NCKAP5L: variants seen among roughly 807,000 people sequenced by gnomAD.
NCKAP5L encodes NCK associated protein 5 like, also known as nck-associated protein 5-like.
Under a neutral mutation model 103.2 loss-of-function variants are expected in NCKAP5L, and 54 were observed. The ratio of observed to expected loss-of-function variants is 0.52; its 90% CI spans 0.42 to 0.66. The LOEUF (loss-of-function observed/expected upper bound fraction) is 0.66. NCKAP5L is among the 30% of genes least tolerant of loss of function. The pLI is 0.00. For missense variants in NCKAP5L, 1,733 were observed against 1,750.6 expected (o/e 0.99, Z 0.18); for synonymous variants, 762 against 748.6 (o/e 1.02, Z -0.29).
At chr12:49,794,690 A>G in intron 8 of NCKAP5L, 75 bp downstream of exon 8, 1 of 1,187,364 alleles carries the variant, frequency 8.4e-7, no homozygotes, top group South Asian at 1.8e-5. Context: ...GCCTAGCTCC[A>G]GACGCAGGTG....
intron 1 of NCKAP5L, among the ~76,000 whole-genome samples, chr12:49,809,984 C>T (rs1946221980): frequency 1.3e-5 from 2 of 152,128 alleles, no homozygotes; most frequent in Non-Finnish European, 1.5e-5. Flanking sequence ...GCACCTCAAC[C>T]ACCATGGTGT....
In NCKAP5L at chr12:49,801,856, G is replaced by T. The variant is rs749126025; in HGVS notation, c.343C>A (p.Leu115Ile). The change falls in exon 6 of 13, where the codon CTC becomes ATC. Residue 115 changes from leucine (L) to isoleucine (I), a missense_variant. Coordinates refer to ENST00000335999, the MANE Select transcript of NCKAP5L (RefSeq NM_001037806.4). The stretch of plus-strand genomic sequence containing the variant: ...GGAGCGCAGATGCCTACCTGAGGGA[G>T]CGAGCCTGTCGTGAGCTGGAGTTTC... The part of the protein sequence containing the change: ...QQKLQLTTGS[L>I]PQIPLTPLQP... The T allele has an allele frequency of 2.5e-6, 4 of 1,613,876 alleles. No homozygotes were observed. In the African/African-American group the frequency reaches 4.0e-5, roughly 16 times the overall value.
At chr12:49,811,275 A>G (rs1002004729) in intron 1 of NCKAP5L, among the ~76,000 whole-genome samples, 2 of 152,042 alleles carry the variant, frequency 1.3e-5, no homozygotes, top group Non-Finnish European at 2.9e-5. Flanking sequence ...CAGCCTGGCA[A>G]TCCTGCCCAG....
At position 49,795,167 on chromosome 12, in the gene NCKAP5L, AG is replaced by A; in HGVS notation, c.2692del (p.Leu898SerfsTer34). 6.2e-7 allele frequency: 1 copy of A among 1,605,830 alleles called. No individual in the cohort carries two copies. The highest frequency in any genetic ancestry group is 8.5e-7 in the Non-Finnish European group (1 of 1,176,934). On this transcript the variant is annotated frameshift_variant, in exon 8 of 13. Coordinates refer to ENST00000335999, the MANE Select transcript of NCKAP5L (RefSeq NM_001037806.4). LOFTEE classifies it high-confidence loss of function. ...MKGIEENVLRLQGQERAPGAE... is the reference protein window; with the variant it reads ...MKGIEENVLRXQGQERAPGAE... ...GCCAGGGGCTCGCTCCTGGCCCTGG[AG>A]CCGCAGCACGTTCTCCTCAATGCCC...
At chr12:49,811,900 A>G (rs561197753) in intron 1 of NCKAP5L, among the ~76,000 whole-genome samples, 29 of 152,314 alleles carry the variant, frequency 1.9e-4, no homozygotes, top group African/African-American at 6.5e-4. Context: ...TCCCAAAACC[A>G]TCTTCTCATT....
intron 8 of NCKAP5L, among the ~76,000 whole-genome samples, chr12:49,794,362 C>T (rs567561961): frequency 1.3e-5 from 2 of 152,266 alleles, no homozygotes; most frequent in Admixed American, 1.3e-4. Context: ...TTCTTTAAAC[C>T]ACAACTCCTG....
intron 8 of NCKAP5L, 139 bp from the exon 9 acceptor site, chr12:49,794,035 T>C (rs895431419): frequency 2.5e-6 from 2 of 789,538 alleles, no homozygotes; most frequent in Non-Finnish European, 1.8e-6. Flanking sequence ...TCGCTAGTGA[T>C]TGCTCCCAAC....
intron 1 of NCKAP5L, among the ~76,000 whole-genome samples, chr12:49,821,131 T>C (rs561842713): frequency 1.1e-3 from 162 of 152,242 alleles, no homozygotes; most frequent in African/African-American, 3.3e-3. Context: ...CTGTAGGCTT[T>C]CCAGGAAAGC....
chr12:49,801,867 G>T lies in NCKAP5L; in HGVS notation c.332C>A (p.Thr111Lys), dbSNP rs554923028. 14 of 1,613,982 alleles carry T rather than the reference G, an allele frequency of 8.7e-6. No homozygotes were observed. The highest frequency in any genetic ancestry group is 1.0e-5 in the Non-Finnish European group (12 of 1,179,872). ...GCCTACCTGAGGGAGCGAGCCTGTC[G>T]TGAGCTGGAGTTTCTGCTGAAACAG... ...SALFQQKLQL[T>K]TGSLPQIPLT... Residue 111 changes from threonine to lysine, a missense_variant, in exon 6 of 13, where the codon ACG (threonine) becomes AAG (lysine). Thr to Lys is a moderately conservative substitution (Grantham distance 78). Transcript: ENST00000335999.
Position 49,796,638 on chromosome 12 carries a change from T to A in NCKAP5L, c.1222A>T (p.Met408Leu). Reference protein sequence around the residue: ...EGQGPLPFLSMFMGAGDAPLG... With the variant: ...EGQGPLPFLSLFMGAGDAPLG... The stretch of plus-strand genomic sequence containing the variant: ...GGGGCATCCCCAGCACCCATGAACA[T>A]GCTAAGGAAGGGGAGGGGCCCCTGG... Residue 408 changes from methionine (M) to leucine (L), a missense_variant, in exon 8 of 13, where the codon ATG (methionine) becomes TTG (leucine). Met to Leu is a conservative substitution (Grantham distance 15). Coordinates refer to ENST00000335999, the MANE Select transcript of NCKAP5L (RefSeq NM_001037806.4). 1 of 1,587,856 alleles carries A rather than the reference T, an allele frequency of 6.3e-7. No individual in the cohort carries two copies. Among genetic ancestry groups the A allele is most frequent in the South Asian group, 1.1e-5 (1 of 87,986 alleles).
intron 1 of NCKAP5L, among the ~76,000 whole-genome samples, chr12:49,819,754 AAG>A (rs1400070071): frequency 8.5e-5 from 13 of 152,266 alleles, no homozygotes; most frequent in Admixed American, 8.5e-4. Flanking sequence ...GAAGTTCCAT[AAG>A]AGGAGTCTTT....
chr12:49,792,911 G>C lies in NCKAP5L; in HGVS notation c.3416C>G (p.Thr1139Ser), dbSNP rs1166269298. The C allele has an allele frequency of 3.9e-6, 6 of 1,546,654 alleles. No homozygotes were observed. Among genetic ancestry groups the C allele is most frequent in the Non-Finnish European group, 5.2e-6 (6 of 1,153,272 alleles). The change falls in exon 11 of 13, where the codon ACC (threonine) becomes AGC (serine). Residue 1139 changes from threonine to serine, a missense_variant. By Grantham distance (58) the Thr-to-Ser change is moderately conservative. Coordinates refer to ENST00000335999, the MANE Select transcript of NCKAP5L (RefSeq NM_001037806.4). This position sits in a 1 kb window ranked among gnomAD's most constrained non-coding sequence, Gnocchi z 4.5. ...FPPPDHGSSGTPSKNLPKTKP... is the reference protein window; with the variant it reads ...FPPPDHGSSGSPSKNLPKTKP... ...GGTCTTAGGAAGATTCTTGCTGGGG[G>C]TCCCACTGCTACCATGGTCTGGGGG...
chr12:49,820,348 G>A (rs1203037160), intron 1 of NCKAP5L, among the ~76,000 whole-genome samples: 1 of 96,100 alleles, frequency 1.0e-5, no homozygotes, highest in Non-Finnish European at 1.9e-5. Context: ...ATGGAGTTTT[G>A]CTCTGTCGCC....
chr12:49,822,155 G>A (rs796581472), intron 1 of NCKAP5L, among the ~76,000 whole-genome samples: 6 of 152,276 alleles, frequency 3.9e-5, no homozygotes, highest in African/African-American at 1.4e-4. Context: ...ACAATAAGAA[G>A]CCTCTGTCCA....
At position 49,795,683 on chromosome 12, in the gene NCKAP5L, C is replaced by T. The variant is rs762931605; in HGVS notation, c.2177G>A (p.Arg726Gln). 20 of 1,612,576 alleles carry T rather than the reference C, an allele frequency of 1.2e-5. No homozygotes were observed. The highest frequency in any genetic ancestry group is 5.0e-5 in the Admixed American group (3 of 59,858). The change falls in exon 8 of 13, where the codon CGG becomes CAG. Residue 726 changes from arginine (R) to glutamine (Q), a missense_variant. Physicochemically the swap from Arg to Gln is conservative, Grantham distance 43. Coordinates refer to ENST00000335999, the MANE Select transcript of NCKAP5L (RefSeq NM_001037806.4). ...GTTTGTGCCCAAGGCCACTGCCCCC[C>T]GTATCCCCCCCTTGGCTTCTAGCTG... ...LEQLEAKGGI[R>Q]GAVALGTNSL...
rs780964966 is a variant in NCKAP5L, at chr12:49,795,058, G to A, written c.2802C>T (p.Arg934=). Residue 934 remains arginine (R), a synonymous_variant, in exon 8 of 13, where the codon CGC becomes CGT. Coordinates refer to ENST00000335999, the MANE Select transcript of NCKAP5L (RefSeq NM_001037806.4). ...KKSKLPALNR[R]TEATKNKEGA... ...CCTCCTTGTTCTTGGTGGCCTCTGT[G>A]CGGCGGTTCAGCGCTGGCAGCTTGC... 2.5e-6 allele frequency: 4 copies of A among 1,611,018 alleles called. No individual in the cohort carries two copies. Among genetic ancestry groups the A allele is most frequent in the Middle Eastern group, 3.3e-4 (2 of 6,050 alleles).
chr12:49,806,922 CTT>C (rs1331808642), intron 1 of NCKAP5L, among the ~76,000 whole-genome samples: 1 of 152,232 alleles, frequency 6.6e-6, no homozygotes, highest in Non-Finnish European at 1.5e-5. Flanking sequence ...TAAATGGAGA[CTT>C]TTCATATCAT....
rs373758618 is a variant in NCKAP5L, at chr12:49,795,681, C to T, written c.2179G>A (p.Gly727Arg). The change falls in exon 8 of 13, where the codon GGG becomes AGG. Residue 727 changes from glycine (G) to arginine (R), a missense_variant. Transcript: ENST00000335999. ...CTGTTTGTGCCCAAGGCCACTGCCC[C>T]CCGTATCCCCCCCTTGGCTTCTAGC... ...EQLEAKGGIR[G>R]AVALGTNSLK... 1 of 1,612,642 alleles carries T rather than the reference C, an allele frequency of 6.2e-7. No individual in the cohort carries two copies. Among genetic ancestry groups the T allele is most frequent in the African/African-American group, 1.3e-5 (1 of 74,878 alleles).
chr12:49,796,750 C>T lies in NCKAP5L; in HGVS notation c.1110G>A (p.Leu370=), dbSNP rs1375083759. The T allele has an allele frequency of 1.2e-6, 2 of 1,612,806 alleles. No homozygotes were observed. Among genetic ancestry groups the T allele is most frequent in the African/African-American group, 1.3e-5 (1 of 74,916 alleles). The change falls in exon 8 of 13, where the codon CTG becomes CTA. Residue 370 remains leucine (L), a synonymous_variant. Transcript: ENST00000335999. ...SSSPDQAPPQ[L]SKSKGLPKSA... ...ACTTGGGGAGGCCTTTGGACTTAGA[C>T]AGCTGTGGGGGCGCCTGGTCTGGGG...
Sources: allele counts gnomAD v4.1 joint callset (sites outside exome capture counted in the v4.1 genomes callset), GRCh38; gene constraint gnomAD v4.1.1; non-coding constraint Gnocchi (gnomAD v3.1); transcripts MANE v1.5; gene names NCBI Gene and HGNC (gene_info 2026-07-23, HGNC 2026-07-21).